CRPPA: variants seen among roughly 807,000 people sequenced by gnomAD.
The protein encoded by CRPPA is D-ribitol-5-phosphate cytidylyltransferase.
Under a neutral mutation model 52.0 loss-of-function variants are expected in CRPPA, and 43 were observed. The observed-to-expected ratio is 0.83, with a 90% CI of 0.65 to 1.07. The LOEUF (loss-of-function observed/expected upper bound fraction) is 1.07, where lower values mean the gene tolerates loss of function less well. Ranked by LOEUF, CRPPA falls within the 50% of genes least tolerant of loss-of-function variation. The pLI is 0.00. For missense variants in CRPPA, 629 were observed against 551.7 expected, an observed-to-expected ratio of 1.14 and a Z score of -1.40; for synonymous variants, 250 against 203.5, an observed-to-expected ratio of 1.23 and a Z score of -1.94.
chr7:16,333,802 C>G (rs1785614557), intron 3 of CRPPA, among the ~76,000 whole-genome samples: 2 of 152,066 alleles, frequency 1.3e-5, no homozygotes, highest in Admixed American at 1.3e-4. Flanking sequence ...AAAAAAATAC[C>G]ATCCTGAATA....
At chr7:16,351,521 G>A (rs937643526) in intron 3 of CRPPA, among the ~76,000 whole-genome samples, 1 of 151,660 alleles carries the variant, frequency 6.6e-6, no homozygotes, top group Admixed American at 6.6e-5. Context: ...TCTGACAAAG[G>A]TCAAATATCC....
chr7:16,329,736 A>G (rs1785505659), intron 3 of CRPPA, among the ~76,000 whole-genome samples: 1 of 152,210 alleles, frequency 6.6e-6, no homozygotes, highest in Non-Finnish European at 1.5e-5. Context: ...TGGTCAGAGT[A>G]GGCCTTAAAT....
At chr7:16,419,663 C>A (rs761280403) in intron 1 of CRPPA, among the ~76,000 whole-genome samples, 3 of 152,078 alleles carry the variant, frequency 2.0e-5, no homozygotes, top group Non-Finnish European at 4.4e-5. Flanking sequence ...GCTGACACCA[C>A]CCAACCCAGT....
At chr7:16,269,522 T>C (rs768611084) in intron 6 of CRPPA, 17 of 152,160 alleles carry the variant, frequency 1.1e-4, no homozygotes, top group African/African-American at 3.9e-4. Flanking sequence ...TCAAGCTGTA[T>C]AGACTTTTTT....
At chr7:16,131,734 C>T (rs1323545142) in intron 9 of CRPPA, among the ~76,000 whole-genome samples, 1 of 152,184 alleles carries the variant, frequency 6.6e-6, no homozygotes, top group Admixed American at 6.5e-5. Context: ...GGCCGCACTA[C>T]CATGCCCAGC....
intron 8 of CRPPA, among the ~76,000 whole-genome samples, chr7:16,217,450 T>C (rs1250848827): frequency 6.9e-6 from 1 of 145,318 alleles, no homozygotes; most frequent in Admixed American, 6.9e-5. Flanking sequence ...AGAATGACTT[T>C]GACGAGCTGA....
rs1041139356 is a variant in CRPPA at position 16,132,544 on chromosome 7, G to A, written c.1252-40745C>T. ...ATATGTTTTAATGAGGTTAGAAAGA[G>A]GTAGAAAGTGGAAAAAGAGATTGAG... On this transcript the variant is annotated intron_variant, in intron 9 of 9. Transcript: ENST00000407010. 1.6e-5 allele frequency among the ~76,000 whole-genome samples: 2 copies of A among 124,144 alleles called. 1 individual carries two copies. The highest frequency in any genetic ancestry group is 3.7e-5 in the Non-Finnish European group (2 of 54,624). The allele number at this position is 124,144 out of a possible 152,430, so 81.4% of individuals were successfully genotyped here.
intron 3 of CRPPA, among the ~76,000 whole-genome samples, chr7:16,317,102 C>A (rs1562627571): frequency 6.6e-6 from 1 of 152,064 alleles, no homozygotes; most frequent in Non-Finnish European, 1.5e-5. Context: ...AGTGTACATG[C>A]ATTCTCATGA....
intron 9 of CRPPA, among the ~76,000 whole-genome samples, chr7:16,099,339 G>A (rs1491003434): frequency 6.9e-6 from 1 of 145,578 alleles, no homozygotes; most frequent in African/African-American, 2.5e-5. Flanking sequence ...AAAAGGGAAG[G>A]GACAGGAAGG....
At chr7:16,214,981 C>A (rs1171713818) in intron 9 of CRPPA, among the ~76,000 whole-genome samples, 1 of 152,100 alleles carries the variant, frequency 6.6e-6, no homozygotes, top group East Asian at 1.9e-4. Context: ...TTGCCTAGTT[C>A]TTGATAACTG....
rs536079133 is a variant in CRPPA at position 16,216,465 on chromosome 7, G to A, written c.1120-268C>T. On this transcript the variant is annotated intron_variant, in intron 8 of 9. Coordinates refer to ENST00000407010, the MANE Select transcript of CRPPA (RefSeq NM_001101426.4). The stretch of plus-strand genomic sequence containing the variant: ...AAGATGGCCGAGTAGGAACAGCTCC[G>A]GTCTACAGCTCCCAGCGTGAGCGAC... The A allele has an allele frequency of 4.3e-4, 135 of 312,960 alleles. No individual in the cohort carries two copies. In the East Asian group the frequency reaches 7.2e-3, roughly 17 times the overall value. 19.4% of individuals were successfully genotyped at this position (312,960 alleles called of 1,614,324 possible). A position where few individuals can be genotyped will look rare whatever the true frequency, so the allele number is the denominator to read the frequency against.
At chr7:16,322,942 G>A (rs984019389) in intron 3 of CRPPA, among the ~76,000 whole-genome samples, 3 of 152,096 alleles carry the variant, frequency 2.0e-5, no homozygotes, top group South Asian at 2.1e-4. Context: ...GAGAGAGAAT[G>A]AGAGCAAGCT....
chr7:16,261,762 A>G (rs1369440534), intron 6 of CRPPA: 3 of 151,918 alleles, frequency 2.0e-5, no homozygotes, highest in African/African-American at 4.8e-5. Flanking sequence ...CTTATATTCC[A>G]TTTGTCATTC....
chr7:16,362,506 G>C (rs1365097464), intron 3 of CRPPA, among the ~76,000 whole-genome samples: 1 of 152,070 alleles, frequency 6.6e-6, no homozygotes, highest in South Asian at 2.1e-4. Context: ...ATCACGTTGG[G>C]ATTTAAGTTC....
At chr7:16,400,112 C>T (rs981312259) in intron 2 of CRPPA, among the ~76,000 whole-genome samples, 3 of 152,148 alleles carry the variant, frequency 2.0e-5, no homozygotes, top group African/African-American at 7.2e-5. Context: ...GAGTGTGATA[C>T]ATGACCAACA....
At chr7:16,321,388 C>T (rs974806869) in intron 3 of CRPPA, among the ~76,000 whole-genome samples, 3 of 151,928 alleles carry the variant, frequency 2.0e-5, no homozygotes, top group Non-Finnish European at 4.4e-5. Flanking sequence ...AATTATTAAC[C>T]TTATATGACA....
chr7:16,267,939 A>G (rs541045095), intron 6 of CRPPA, among the ~76,000 whole-genome samples: 1 of 152,154 alleles, frequency 6.6e-6, no homozygotes, highest in Non-Finnish European at 1.5e-5. Flanking sequence ...CATATACAGG[A>G]AGATGTATAT....
chr7:16,416,603 C>G (rs980338067), intron 1 of CRPPA, among the ~76,000 whole-genome samples: 1 of 151,766 alleles, frequency 6.6e-6, no homozygotes, highest in Non-Finnish European at 1.5e-5. Flanking sequence ...GGGAGGCCGA[C>G]GCAGGTGGAT....
At chr7:16,106,698 C>T (rs752747584) in intron 9 of CRPPA, among the ~76,000 whole-genome samples, 3 of 152,056 alleles carry the variant, frequency 2.0e-5, no homozygotes, top group Non-Finnish European at 4.4e-5. Context: ...AATGTACAGA[C>T]AACAATGCAA....
Sources: gnomAD v4.1 joint callset for allele counts (sites outside exome capture counted in the v4.1 genomes callset) on GRCh38, gnomAD v4.1.1 for gene constraint, MANE v1.5 for transcripts, NCBI Gene and HGNC (gene_info 2026-07-23, HGNC 2026-07-21) for gene names.